Variants in TFDP2 observed in about 807,000 individuals in gnomAD.
TFDP2 encodes transcription factor Dp-2 (E2F dimerization partner 2).
In TFDP2, 17 loss-of-function variants were observed where a neutral mutation model predicts 59.3. The ratio of observed to expected loss-of-function variants is 0.29; its 90% CI spans 0.20 to 0.43. The LOEUF (loss-of-function observed/expected upper bound fraction) is 0.43, where lower values mean the gene tolerates loss of function less well. TFDP2 is among the 20% of genes least tolerant of loss of function. TFDP2 has a pLI of 1.00. For missense variants in TFDP2, 391 were observed against 528.8 expected, an observed-to-expected ratio of 0.74 and a Z score of 2.56; for synonymous variants, 180 against 194.7, an observed-to-expected ratio of 0.92 and a Z score of 0.63.
intron 3 of TFDP2, among the ~76,000 whole-genome samples, chr3:142,031,896 A>G (rs1243172029): frequency 1.3e-5 from 2 of 151,716 alleles, no homozygotes; most frequent in African/African-American, 4.8e-5. Flanking sequence ...AGCAGTAGAA[A>G]TTAGTTACAT....
intron 3 of TFDP2, among the ~76,000 whole-genome samples, chr3:142,008,413 C>G (rs774756531): frequency 6.6e-6 from 1 of 152,082 alleles, no homozygotes; most frequent in Non-Finnish European, 1.5e-5. Context: ...CACAAAAGCT[C>G]GCAGTGGAGA....
intron 3 of TFDP2, among the ~76,000 whole-genome samples, chr3:142,016,549 C>T (rs1945149752): frequency 6.6e-6 from 1 of 151,376 alleles, no homozygotes; most frequent in Non-Finnish European, 1.5e-5. Context: ...GATCCATGTG[C>T]CTTGGCATCC....
chr3:142,144,369 C>CAA (rs574504532), intron 1 of TFDP2, among the ~76,000 whole-genome samples: 4 of 124,046 alleles, frequency 3.2e-5, no homozygotes, highest in African/African-American at 3.1e-5. Flanking sequence ...GGCTCTGTCT[C>CAA]AAAAAAAAAA....
chr3:142,000,163 AGACTGG>A, intron 4 of TFDP2: 1 of 644,008 alleles, frequency 1.6e-6, no homozygotes, highest in South Asian at 1.8e-5. Context: ...AAACCACCTT[AGACTGG>A]GTAATTAATT....
chr3:142,123,934 TAAC>T (rs1296226808), intron 1 of TFDP2, among the ~76,000 whole-genome samples: 3 of 152,056 alleles, frequency 2.0e-5, no homozygotes, highest in Non-Finnish European at 4.4e-5. Flanking sequence ...AGATGACCGA[TAAC>T]AAAATTAATC....
At chr3:142,070,326 G>A (rs949687278) in intron 3 of TFDP2, among the ~76,000 whole-genome samples, 11 of 151,906 alleles carry the variant, frequency 7.2e-5, no homozygotes, top group African/African-American at 2.4e-4. Flanking sequence ...TGGAGTACAA[G>A]TACAATGGCA....
intron 1 of TFDP2, among the ~76,000 whole-genome samples, chr3:142,142,857 C>CA (rs1314046743): frequency 6.6e-6 from 1 of 152,204 alleles, no homozygotes; most frequent in Non-Finnish European, 1.5e-5. Flanking sequence ...GGGGAAAAGA[C>CA]AGTCTCTTCA....
At chr3:142,027,496 C>G (rs1946180247) in intron 3 of TFDP2, among the ~76,000 whole-genome samples, 1 of 152,118 alleles carries the variant, frequency 6.6e-6, no homozygotes, top group South Asian at 2.1e-4. Context: ...CCCTCTCCCT[C>G]TCCCTCTCCC....
chr3:142,056,726 T>C (rs2059761203), intron 3 of TFDP2, among the ~76,000 whole-genome samples: 1 of 152,126 alleles, frequency 6.6e-6, no homozygotes, highest in Non-Finnish European at 1.5e-5. Context: ...GAGACAACCA[T>C]GTGACAAGGA....
At chr3:142,041,594 C>A (rs566015014) in intron 3 of TFDP2, among the ~76,000 whole-genome samples, 1 of 152,332 alleles carries the variant, frequency 6.6e-6, no homozygotes, top group Non-Finnish European at 1.5e-5. Flanking sequence ...GTCCATTAAA[C>A]CTCTTCTCTT....
chr3:142,091,394 T>C (rs1388824558), intron 3 of TFDP2, among the ~76,000 whole-genome samples: 2 of 152,010 alleles, frequency 1.3e-5, no homozygotes, highest in Non-Finnish European at 2.9e-5. Flanking sequence ...GTGGAAACCC[T>C]GTCTCTACCA....
intron 2 of TFDP2, chr3:142,093,967 T>C (rs1179135791): frequency 1.9e-6 from 1 of 512,856 alleles, no homozygotes; most frequent in African/African-American, 1.9e-5. Context: ...ACTGTCAGTA[T>C]TATACTTGAG....
rs527289888 is a variant in TFDP2 at position 142,117,438 on chromosome 3, C to T, written c.-92-15597G>A. Among the ~76,000 whole-genome samples, 24 of 150,238 alleles carry T rather than the reference C, an allele frequency of 1.6e-4. 1 individual carries two copies. In the South Asian group the frequency reaches 4.6e-3, roughly 29 times the overall value. On this transcript the variant is annotated intron_variant, in intron 1 of 12. Transcript: ENST00000489671. ...TCAAGCAGAAAAAAAAAAAAAGCAG[C>T]AAATAGCAAAAGAAACCCCACTTCC...
intron 10 of TFDP2, among the ~76,000 whole-genome samples, chr3:141,961,390 C>T (rs549340613): frequency 5.3e-5 from 8 of 151,474 alleles, no homozygotes; most frequent in East Asian, 2.0e-4. Context: ...AGTACAGGCG[C>T]GTGCCACCAT....
At chr3:141,977,081 G>C (rs1275837342) in intron 7 of TFDP2, among the ~76,000 whole-genome samples, 1 of 127,844 alleles carries the variant, frequency 7.8e-6, no homozygotes. Flanking sequence ...TAGAGAAACA[G>C]TCATAGCCAT....
In TFDP2 at chr3:141,953,633, T is replaced by A. The variant is rs146555864; in HGVS notation, c.1052-617A>T. 5.5e-3 allele frequency among the ~76,000 whole-genome samples: 835 copies of A among 152,252 alleles called. 8 individuals carry two copies. The highest frequency in any genetic ancestry group is 0.019 in the African/African-American group (787 of 41,542). On this transcript the variant is annotated intron_variant, in intron 11 of 12. Coordinates refer to ENST00000489671, the MANE Select transcript of TFDP2 (RefSeq NM_001178139.2). ...AATTCAAACTAGCTCTTATTTTATTTTTTTTATTATTATTATACTTTAAGT... is the reference window on the plus strand; with the variant it reads ...AATTCAAACTAGCTCTTATTTTATTATTTTTATTATTATTATACTTTAAGT...
At chr3:141,967,449 T>C (rs916012076) in intron 9 of TFDP2, among the ~76,000 whole-genome samples, 10 of 151,636 alleles carry the variant, frequency 6.6e-5, no homozygotes, top group Admixed American at 6.6e-5. Context: ...TGCGCCACCA[T>C]GCCTGGCTAA....
At chr3:142,144,351 T>C (rs1469349044) in intron 1 of TFDP2, among the ~76,000 whole-genome samples, 1 of 148,066 alleles carries the variant, frequency 6.8e-6, no homozygotes, top group Non-Finnish European at 1.5e-5. Flanking sequence ...GCCTGGGCAA[T>C]AGAGCAAGGC....
intron 1 of TFDP2, among the ~76,000 whole-genome samples, chr3:142,110,483 G>C (rs144393015): frequency 1.3e-5 from 2 of 148,284 alleles, no homozygotes; most frequent in East Asian, 4.1e-4. Flanking sequence ...CAGCCTGGGC[G>C]ACAGAACGAG....
Sources: gnomAD v4.1 joint callset for allele counts (sites outside exome capture counted in the v4.1 genomes callset) on GRCh38, gnomAD v4.1.1 for gene constraint, MANE v1.5 for transcripts, NCBI Gene and HGNC (gene_info 2026-07-23, HGNC 2026-07-21) for gene names.